The following BRINP2 variants were observed in gnomAD, a reference collection of about 807,000 sequenced individuals.
The protein encoded by BRINP2 is BMP/retinoic acid-inducible neural-specific protein 2.
In BRINP2, 21 loss-of-function variants were observed where a neutral mutation model predicts 69.2. The observed-to-expected ratio is 0.30, with a 90% CI of 0.22 to 0.44. The LOEUF is 0.44. Among genes scored for constraint, BRINP2 ranks in the 20% least tolerant of loss-of-function variants. BRINP2 has a pLI of 1.00. For missense variants in BRINP2, 877 were observed against 986.0 expected, an observed-to-expected ratio of 0.89 and a Z score of 1.48; for synonymous variants, 380 against 394.1, an observed-to-expected ratio of 0.96 and a Z score of 0.42.
At chr1:177,196,103 T>C (rs193255617) in intron 1 of BRINP2, among the ~76,000 whole-genome samples, 2 of 152,322 alleles carry the variant, frequency 1.3e-5, no homozygotes, top group East Asian at 1.9e-4. Context: ...AAGCTGGCAA[T>C]TTATAGTAGG....
chr1:177,208,617 A>AC (rs1553269602), intron 1 of BRINP2, among the ~76,000 whole-genome samples: 4 of 150,094 alleles, frequency 2.7e-5, no homozygotes, highest in African/African-American at 9.8e-5. Flanking sequence ...ATAGCCACAG[A>AC]TTTTTTTTTT....
At position 177,193,187 on chromosome 1, in the gene BRINP2, T is replaced by A. The variant is rs566250797; in HGVS notation, c.-77+21455T>A. 2.0e-5 allele frequency among the ~76,000 whole-genome samples: 3 copies of A among 152,296 alleles called. No homozygotes were observed. The South Asian group carries it at 6.2e-4, about 32-fold the overall frequency. ...ATCTGTTTTAATGATGAGGATCTCA[T>A]TACAAACTATTTATTTCACCTACCC... On this transcript the variant is annotated intron_variant, in intron 1 of 7. Coordinates refer to ENST00000361539, the MANE Select transcript of BRINP2 (RefSeq NM_021165.4).
intron 1 of BRINP2, among the ~76,000 whole-genome samples, chr1:177,197,832 G>A (rs115594937): frequency 1.3e-5 from 2 of 152,132 alleles, no homozygotes. Context: ...GCAGGTGATC[G>A]GGTATGAGGA....
chr1:177,234,216 T>G (rs1401945735), intron 2 of BRINP2, among the ~76,000 whole-genome samples: 2 of 152,174 alleles, frequency 1.3e-5, no homozygotes, highest in African/African-American at 4.8e-5. Flanking sequence ...AGCAGCCTTA[T>G]GATGGGCTAC....
At chr1:177,204,782 A>C (rs1649022995) in intron 1 of BRINP2, among the ~76,000 whole-genome samples, 1 of 152,198 alleles carries the variant, frequency 6.6e-6, no homozygotes, top group East Asian at 1.9e-4. Context: ...AAACCTACCA[A>C]CCAGTGATAA....
intron 2 of BRINP2, among the ~76,000 whole-genome samples, chr1:177,238,314 T>C (rs899267585): frequency 2.0e-5 from 3 of 152,220 alleles, no homozygotes; most frequent in African/African-American, 7.2e-5. Flanking sequence ...TGAAGATAAG[T>C]TGGGCTGCAG....
At chr1:177,251,848 G>A (rs1178879498) in intron 2 of BRINP2, among the ~76,000 whole-genome samples, 1 of 152,022 alleles carries the variant, frequency 6.6e-6, no homozygotes, top group African/African-American at 2.4e-5. Context: ...GAGGGGCTTC[G>A]ACCATTATAA....
At chr1:177,266,722 T>C (rs1404429793) in intron 4 of BRINP2, among the ~76,000 whole-genome samples, 1 of 132,072 alleles carries the variant, frequency 7.6e-6, no homozygotes, top group South Asian at 2.3e-4. Context: ...ATCACGCCAC[T>C]GCACTCCAGC....
At chr1:177,270,083 G>C (rs1293348) in intron 4 of BRINP2, among the ~76,000 whole-genome samples, 15 of 27,768 alleles carry the variant, frequency 5.4e-4, no homozygotes, top group Non-Finnish European at 1.5e-3. Context: ...GGCAAGGGGT[G>C]GGGGGGGTGG....
At chr1:177,266,824 T>G (rs1164907482) in intron 4 of BRINP2, among the ~76,000 whole-genome samples, 3 of 146,052 alleles carry the variant, frequency 2.1e-5, no homozygotes, top group Non-Finnish European at 3.0e-5. Flanking sequence ...CTTTCCTAAC[T>G]CCCAAGGTAG....
chr1:177,232,763 A>G (rs1251423085), intron 2 of BRINP2, among the ~76,000 whole-genome samples: 4 of 150,948 alleles, frequency 2.6e-5, no homozygotes, highest in Non-Finnish European at 5.9e-5. Context: ...CTCTCCTATA[A>G]TCCAGAAGAG....
At chr1:177,237,651 G>C (rs1418257523) in intron 2 of BRINP2, among the ~76,000 whole-genome samples, 1 of 152,198 alleles carries the variant, frequency 6.6e-6, no homozygotes, top group African/African-American at 2.4e-5. Flanking sequence ...AGGGGGGAAG[G>C]GAAGATCAGT....
At chr1:177,189,512 TG>T (rs920285161) in intron 1 of BRINP2, among the ~76,000 whole-genome samples, 10 of 152,200 alleles carry the variant, frequency 6.6e-5, no homozygotes, top group African/African-American at 2.4e-4. Flanking sequence ...AAATTACCTC[TG>T]GGGTGGCCAT....
chr1:177,232,331 C>T (rs1162277901), intron 2 of BRINP2, among the ~76,000 whole-genome samples: 7 of 152,168 alleles, frequency 4.6e-5, no homozygotes, highest in Non-Finnish European at 8.8e-5. Flanking sequence ...TCTGCACCAT[C>T]AACTGTTCTA....
chr1:177,185,284 T>C (rs1288419597), intron 1 of BRINP2, among the ~76,000 whole-genome samples: 1 of 152,220 alleles, frequency 6.6e-6, no homozygotes, highest in Non-Finnish European at 1.5e-5. Flanking sequence ...AAACATGTTT[T>C]ATCTTTGTTT....
chr1:177,224,670 T>G (rs781224226), intron 1 of BRINP2, among the ~76,000 whole-genome samples: 2 of 152,042 alleles, frequency 1.3e-5, no homozygotes, highest in Non-Finnish European at 2.9e-5. Flanking sequence ...TAGGTAGACC[T>G]CAATCTACCA....
chr1:177,225,715 A>G (rs1649671798), intron 1 of BRINP2, among the ~76,000 whole-genome samples: 1 of 152,240 alleles, frequency 6.6e-6, no homozygotes, highest in South Asian at 2.1e-4. Flanking sequence ...ACAACTGTCA[A>G]TGCAGCAACT....
chr1:177,184,157 G>GA (rs1471549710), intron 1 of BRINP2, among the ~76,000 whole-genome samples: 1 of 152,062 alleles, frequency 6.6e-6, no homozygotes, highest in Non-Finnish European at 1.5e-5. Flanking sequence ...TGACTGCAGA[G>GA]AAAAAAAGCT....
intron 2 of BRINP2, among the ~76,000 whole-genome samples, chr1:177,234,733 T>G (rs1458968442): frequency 6.6e-6 from 1 of 152,206 alleles, no homozygotes; most frequent in East Asian, 1.9e-4. Context: ...GCTACCTCTT[T>G]TTGGAAAGGG....
Sources: gnomAD v4.1 joint callset for allele counts (sites outside exome capture counted in the v4.1 genomes callset) on GRCh38, gnomAD v4.1.1 for gene constraint, MANE v1.5 for transcripts, NCBI Gene and HGNC (gene_info 2026-07-23, HGNC 2026-07-21) for gene names.